The following NCOA7 variants were observed in gnomAD, a reference collection of about 807,000 sequenced individuals.
The protein encoded by NCOA7 is 140 kDa estrogen receptor-associated protein.
NCOA7 carries 45 observed loss-of-function variants against 104.3 expected under a neutral mutation model. That is an observed-to-expected ratio of 0.43 (90% CI 0.34 to 0.55). The LOEUF (loss-of-function observed/expected upper bound fraction) is 0.55. NCOA7 is among the 20% of genes least tolerant of loss of function. The probability of loss-of-function intolerance (pLI) is 0.02; values close to 1 mark genes in which losing one functional copy is unlikely to be tolerated. For missense variants in NCOA7, 1,041 were observed against 1,119.7 expected, an observed-to-expected ratio of 0.93 and a Z score of 1.00; for synonymous variants, 398 against 402.3, an observed-to-expected ratio of 0.99 and a Z score of 0.13.
At chr6:125,806,567 T>C (rs957174239) in intron 1 of NCOA7, among the ~76,000 whole-genome samples, 49 of 152,144 alleles carry the variant, frequency 3.2e-4, no homozygotes, top group African/African-American at 1.1e-3. Context: ...GTGATTCTCA[T>C]TGGTTGTGGT....
At chr6:125,887,959 T>C (rs1784372428) in intron 8 of NCOA7, among the ~76,000 whole-genome samples, 1 of 152,186 alleles carries the variant, frequency 6.6e-6, no homozygotes, top group African/African-American at 2.4e-5. Flanking sequence ...CAAGGGTACA[T>C]GTGCAGGATG....
At position 125,928,672 on chromosome 6, in the gene NCOA7, C is replaced by T; in HGVS notation, c.2730C>T (p.Tyr910=). ...RFGLWLDADL[Y]HGRSNSCSTF... is the part of the protein sequence containing the mutation. ...GTTTATGGCTAGATGCTGATTTATA[C>T]CACGGACGAAGCAACTCTTGCAGCA... The change falls in exon 16 of 16, where the codon TAC becomes TAT. Residue 910 remains tyrosine, a synonymous_variant. Transcript: ENST00000392477. 1 of 1,612,378 alleles carries T rather than the reference C, an allele frequency of 6.2e-7. No homozygotes were observed. Among genetic ancestry groups the T allele is most frequent in the Non-Finnish European group, 8.5e-7 (1 of 1,179,520 alleles).
intron 2 of NCOA7, among the ~76,000 whole-genome samples, chr6:125,840,868 G>GTTTTTTGTTTT (rs1780076650): frequency 2.5e-5 from 1 of 40,340 alleles, no homozygotes; most frequent in Middle Eastern, 0.02. Context: ...TGTTTGGTTG[G>GTTTTTTGTTTT]TTTTTTTTTT....
chr6:125,844,725 G>A (rs1780449771), intron 2 of NCOA7, among the ~76,000 whole-genome samples: 1 of 152,192 alleles, frequency 6.6e-6, no homozygotes, highest in Admixed American at 6.6e-5. Context: ...TTTATGTAGA[G>A]TGAGAAAAAG....
At chr6:125,919,340 A>G in intron 11 of NCOA7, 1 of 1,612,844 alleles carries the variant, frequency 6.2e-7, no homozygotes, top group Non-Finnish European at 8.5e-7. Flanking sequence ...AGAGAGCCAC[A>G]CTTCTCACTG....
At chr6:125,862,663 AC>A (rs1782155565) in intron 3 of NCOA7, among the ~76,000 whole-genome samples, 1 of 137,762 alleles carries the variant, frequency 7.3e-6, no homozygotes, top group Admixed American at 6.9e-5. Flanking sequence ...ATGTTTGATA[AC>A]ATTTTCAACA....
At chr6:125,854,990 T>C (rs2128619691) in intron 2 of NCOA7, 30 bp from the exon 3 acceptor site, 1 of 1,466,760 alleles carries the variant, frequency 6.8e-7, no homozygotes, top group Middle Eastern at 1.8e-4. Context: ...ATCTCTCCAA[T>C]GTTTTTTCTT....
intron 3 of NCOA7, among the ~76,000 whole-genome samples, chr6:125,856,150 A>G (rs1395412827): frequency 6.6e-6 from 1 of 152,198 alleles, no homozygotes; most frequent in South Asian, 2.1e-4. Context: ...TTGGCGTGGC[A>G]TACAGGTTAT....
At chr6:125,878,476 A>G (rs1194324841) in intron 5 of NCOA7, 106 bp downstream of exon 5, 6 of 710,094 alleles carry the variant, frequency 8.4e-6, no homozygotes, top group African/African-American at 1.8e-5. Context: ...ATAAATGATA[A>G]TGTGCTTTGG....
chr6:125,917,521 A>T (rs111276217), intron 11 of NCOA7, among the ~76,000 whole-genome samples: 1 of 151,940 alleles, frequency 6.6e-6, no homozygotes. Context: ...GGTCACCCCA[A>T]CCTCCTTTGA....
chr6:125,877,980 C>T lies in NCOA7; in HGVS notation c.352-283C>T, dbSNP rs752384237. 3.3e-5 allele frequency among the ~76,000 whole-genome samples: 5 copies of T among 152,156 alleles called. No individual in the cohort carries two copies. In the South Asian group the frequency reaches 1.0e-3, roughly 31 times the overall value. On this transcript the variant is annotated intron_variant, in intron 4 of 15. Transcript: ENST00000392477. ...TTGTTGTAGTCTTCATTACAGCTCA[C>T]GGACCTTTACTTCATGCGCCTCAGT...
At chr6:125,919,036 A>G (rs943785621) in intron 11 of NCOA7, among the ~76,000 whole-genome samples, 4 of 152,200 alleles carry the variant, frequency 2.6e-5, no homozygotes, top group Non-Finnish European at 5.9e-5. Flanking sequence ...AAAAAAGTAT[A>G]AGAAGGAAAA....
At chr6:125,824,699 C>G (rs1410004586) in intron 2 of NCOA7, among the ~76,000 whole-genome samples, 2 of 152,102 alleles carry the variant, frequency 1.3e-5, no homozygotes, top group African/African-American at 2.4e-5. Flanking sequence ...ACTCCAGACT[C>G]CAAGACAGAT....
chr6:125,875,315 TC>T, intron 4 of NCOA7: 1 of 192,674 alleles, frequency 5.2e-6, no homozygotes. Flanking sequence ...AGGATGACCT[TC>T]CCCAATAGAG....
At chr6:125,896,020 A>ATG in intron 10 of NCOA7, among the ~76,000 whole-genome samples, 1 of 148,106 alleles carries the variant, frequency 6.8e-6, no homozygotes, top group Admixed American at 6.8e-5. Context: ...TAAAATATAT[A>ATG]TATATTATAT....
intron 11 of NCOA7, among the ~76,000 whole-genome samples, chr6:125,920,655 T>A (rs1406910237): frequency 6.6e-6 from 1 of 152,232 alleles, no homozygotes; most frequent in Non-Finnish European, 1.5e-5. Context: ...ATCTTCCTCC[T>A]GCCTTGGCCT....
intron 12 of NCOA7, among the ~76,000 whole-genome samples, chr6:125,922,355 C>T (rs1787660055): frequency 6.6e-6 from 1 of 152,052 alleles, no homozygotes; most frequent in Non-Finnish European, 1.5e-5. Context: ...TGGTAAAAGC[C>T]AGGTTGAAGT....
At chr6:125,915,516 C>G (rs372127177) in intron 11 of NCOA7, 36 bp downstream of exon 11, 12 of 1,611,820 alleles carry the variant, frequency 7.4e-6, no homozygotes, top group Non-Finnish European at 1.0e-5. Context: ...GTCGTAGTTC[C>G]TAAGGTACAG....
chr6:125,900,819 A>G (rs1478763379), intron 10 of NCOA7, among the ~76,000 whole-genome samples: 1 of 152,206 alleles, frequency 6.6e-6, no homozygotes, highest in Non-Finnish European at 1.5e-5. Context: ...AAAAATGGAC[A>G]TTATACCTGG....
Sources: allele counts gnomAD v4.1 joint callset (sites outside exome capture counted in the v4.1 genomes callset), GRCh38; gene constraint gnomAD v4.1.1; transcripts MANE v1.5; gene names NCBI Gene and HGNC (gene_info 2026-07-23, HGNC 2026-07-21).